The following OSBPL11 variants were observed in gnomAD, a reference collection of about 807,000 sequenced individuals.
The protein encoded by OSBPL11 is oxysterol-binding protein-related protein 11.
OSBPL11 carries 33 observed loss-of-function variants against 84.4 expected under a neutral mutation model. The observed-to-expected ratio is 0.39, with a 90% CI of 0.30 to 0.52. OSBPL11 has a LOEUF of 0.52. OSBPL11 is among the 20% of genes least tolerant of loss of function. The pLI is 0.72. For missense variants in OSBPL11, 736 were observed against 901.1 expected, an observed-to-expected ratio of 0.82 and a Z score of 2.35; for synonymous variants, 276 against 310.2, an observed-to-expected ratio of 0.89 and a Z score of 1.16.
In OSBPL11 at chr3:125,594,880, G is replaced by T; in HGVS notation, c.-80C>A. On this transcript the variant is annotated 5_prime_UTR_variant, in exon 1 of 13. Coordinates refer to ENST00000296220, the MANE Select transcript of OSBPL11 (RefSeq NM_022776.5). ...TCTGTAGGTGACTTTTTTTTTTTAA[G>T]ATTTGATCTGAATATGATACCGGTT... 6.9e-7 allele frequency: 1 copy of T among 1,448,478 alleles called. No individual in the cohort carries two copies. Among genetic ancestry groups the T allele is most frequent in the East Asian group, 2.3e-5 (1 of 43,728 alleles). 89.7% of individuals were successfully genotyped at this position (1,448,478 alleles called of 1,614,324 possible).
In OSBPL11 at chr3:125,529,520, G is replaced by A. The variant is rs979761529; in HGVS notation, c.*995C>T. 2 of 150,918 alleles carry A rather than the reference G, an allele frequency of 1.3e-5. No homozygotes were observed. Among genetic ancestry groups the A allele is most frequent in the Non-Finnish European group, 2.9e-5 (2 of 67,816 alleles). 9.3% of individuals were successfully genotyped at this position (150,918 alleles called of 1,614,324 possible). A position where few individuals can be genotyped will look rare whatever the true frequency, so the allele number is the denominator to read the frequency against. On this transcript the variant is annotated 3_prime_UTR_variant, in exon 13 of 13. Coordinates refer to ENST00000296220, the MANE Select transcript of OSBPL11 (RefSeq NM_022776.5). Reference sequence around the variant, plus strand: ...TTACACATATAAGTTTTGAATTACTGACAAATATGAATAGAATCATTTATT... The same window carrying A: ...TTACACATATAAGTTTTGAATTACTAACAAATATGAATAGAATCATTTATT...
intron 1 of OSBPL11, among the ~76,000 whole-genome samples, chr3:125,591,968 C>A (rs1006239890): frequency 6.6e-6 from 1 of 152,178 alleles, no homozygotes; most frequent in Middle Eastern, 3.4e-3. Context: ...AGACACCACA[C>A]TCAACCCTGG....
chr3:125,592,826 A>G (rs1194510314), intron 1 of OSBPL11, among the ~76,000 whole-genome samples: 1 of 152,040 alleles, frequency 6.6e-6, no homozygotes, highest in African/African-American at 2.4e-5. Context: ...ATGTTTCACA[A>G]AAGAAAAAAA....
intron 10 of OSBPL11, among the ~76,000 whole-genome samples, chr3:125,538,899 C>T (rs1423458874): frequency 6.6e-6 from 1 of 152,016 alleles, no homozygotes; most frequent in Non-Finnish European, 1.5e-5. Flanking sequence ...AAAATGTTAT[C>T]TTTAAAATGC....
intron 5 of OSBPL11, among the ~76,000 whole-genome samples, chr3:125,575,186 G>C (rs1936303617): frequency 6.6e-6 from 1 of 151,676 alleles, no homozygotes; most frequent in African/African-American, 2.4e-5. Context: ...TATTCTATAT[G>C]TTCTATACAT....
At chr3:125,591,533 G>C (rs1372184195) in intron 1 of OSBPL11, among the ~76,000 whole-genome samples, 1 of 152,162 alleles carries the variant, frequency 6.6e-6, no homozygotes, top group Non-Finnish European at 1.5e-5. Flanking sequence ...ATGAGGAACT[G>C]AGTTTTTTGT....
At chr3:125,576,074 G>A in intron 5 of OSBPL11, 115 bp downstream of exon 5, 2 of 889,980 alleles carry the variant, frequency 2.2e-6, no homozygotes, top group Non-Finnish European at 3.5e-6. Flanking sequence ...CAGCATACTA[G>A]ATAGGAAACA....
At chr3:125,589,239 G>A (rs1007218070) in intron 1 of OSBPL11, among the ~76,000 whole-genome samples, 2 of 150,756 alleles carry the variant, frequency 1.3e-5, no homozygotes, top group Admixed American at 6.7e-5. Context: ...CTACTCGGGA[G>A]ACTGAGGCAC....
intron 5 of OSBPL11, among the ~76,000 whole-genome samples, chr3:125,568,672 A>G (rs2922172): frequency 0.3 from 45,214 of 151,976 alleles, 7,405 homozygotes; most frequent in African/African-American, 0.44. Flanking sequence ...CTTTTGGACC[A>G]AGTACTGGAT....
intron 11 of OSBPL11, 91 bp from the exon 12 acceptor site, chr3:125,532,105 A>T: frequency 7.6e-7 from 1 of 1,320,606 alleles, no homozygotes; most frequent in East Asian, 2.5e-5. Context: ...TAATTTTATA[A>T]AATAACGTTT....
chr3:125,594,897 A>G lies in OSBPL11; in HGVS notation c.-97T>C. Reference sequence around the variant, plus strand: ...TTTTTTAAGATTTGATCTGAATATGATACCGGTTGCTAAATCACACGGCGG... The same window carrying G: ...TTTTTTAAGATTTGATCTGAATATGGTACCGGTTGCTAAATCACACGGCGG... On this transcript the variant is annotated 5_prime_UTR_variant, in exon 1 of 13. Coordinates refer to ENST00000296220, the MANE Select transcript of OSBPL11 (RefSeq NM_022776.5). 1 of 1,374,164 alleles carries G rather than the reference A, an allele frequency of 7.3e-7. No homozygotes were observed. The highest frequency in any genetic ancestry group is 9.9e-7 in the Non-Finnish European group (1 of 1,012,668). 85.1% of individuals were successfully genotyped at this position (1,374,164 alleles called of 1,614,324 possible).
intron 1 of OSBPL11, among the ~76,000 whole-genome samples, chr3:125,589,113 C>T (rs1559849454): frequency 6.6e-6 from 1 of 152,062 alleles, no homozygotes; most frequent in African/African-American, 2.4e-5. Context: ...CTTTAAGAGG[C>T]CTAGGCAGGC....
intron 5 of OSBPL11, among the ~76,000 whole-genome samples, chr3:125,568,409 C>T (rs981213625): frequency 5.0e-5 from 7 of 139,734 alleles, no homozygotes; most frequent in Non-Finnish European, 1.1e-4. Context: ...CCAGCCTGGG[C>T]GATAGAGTGA....
intron 1 of OSBPL11, among the ~76,000 whole-genome samples, chr3:125,588,553 G>A (rs1309050528): frequency 6.6e-6 from 1 of 152,180 alleles, no homozygotes; most frequent in African/African-American, 2.4e-5. Flanking sequence ...AGGAATCCAA[G>A]TTGTAGTCAG....
intron 11 of OSBPL11, among the ~76,000 whole-genome samples, chr3:125,535,802 T>C (rs898575912): frequency 6.6e-6 from 1 of 150,964 alleles, no homozygotes; most frequent in African/African-American, 2.4e-5. Context: ...TGCCCATACA[T>C]TCAATCTGTG....
At chr3:125,539,265 A>G (rs34563051) in intron 10 of OSBPL11, among the ~76,000 whole-genome samples, 29,621 of 134,666 alleles carry the variant, frequency 0.22, 3,167 homozygotes, top group African/African-American at 0.26. Flanking sequence ...CTTAAACACT[A>G]CTGCTATTGA....
In OSBPL11 at chr3:125,547,419, C is replaced by T; in HGVS notation, c.1828G>A (p.Gly610Ser). The change falls in exon 10 of 13, where the codon GGC (glycine) becomes AGC (serine). Residue 610 changes from glycine to serine, a missense_variant. By Grantham distance (56) the Gly-to-Ser change is moderately conservative. This residue lies in a region of OSBPL11 where 579 missense variants were observed against 717.6 expected (regional missense o/e 0.81). Coordinates refer to ENST00000296220, the MANE Select transcript of OSBPL11 (RefSeq NM_022776.5). ...ITFHTKPFYGGKLHRVTAEVK... is the reference protein window; with the variant it reads ...ITFHTKPFYGSKLHRVTAEVK... Reference sequence around the variant, plus strand: ...AAATGTTCTTACCGATGCAGTTTGCCACCATAAAATGGCTTGGTATGAAAA... The same window carrying T: ...AAATGTTCTTACCGATGCAGTTTGCTACCATAAAATGGCTTGGTATGAAAA... 1 of 1,612,906 alleles carries T rather than the reference C, an allele frequency of 6.2e-7. No homozygotes were observed. The highest frequency in any genetic ancestry group is 1.1e-5 in the South Asian group (1 of 90,744).
At chr3:125,581,799 C>A (rs1282996873) in intron 2 of OSBPL11, among the ~76,000 whole-genome samples, 1 of 151,248 alleles carries the variant, frequency 6.6e-6, no homozygotes, top group Non-Finnish European at 1.5e-5. Flanking sequence ...ATGGCAAAAC[C>A]CTGTCTTTAC....
chr3:125,533,749 C>T (rs1935596756), intron 11 of OSBPL11, among the ~76,000 whole-genome samples: 1 of 152,154 alleles, frequency 6.6e-6, no homozygotes, highest in African/African-American at 2.4e-5. Flanking sequence ...AATAACAGAA[C>T]TTCTAATAAA....
Sources: gnomAD v4.1 joint callset for allele counts (sites outside exome capture counted in the v4.1 genomes callset) on GRCh38, gnomAD v4.1.1 for gene constraint, gnomAD v4.1.1 regional missense constraint, MANE v1.5 for transcripts, NCBI Gene and HGNC (gene_info 2026-07-23, HGNC 2026-07-21) for gene names.